The following MOBP variants were observed in gnomAD, a reference collection of about 807,000 sequenced individuals.
MOBP encodes the protein myelin associated oligodendrocyte basic protein, also known as myelin-associated oligodendrocyte basic protein.
A neutral mutation model predicts 15.0 loss-of-function variants in MOBP; 5 were observed. The observed-to-expected ratio is 0.33, with a 90% confidence interval of 0.17 to 0.70. The LOEUF (loss-of-function observed/expected upper bound fraction) is 0.70. Ranked by LOEUF, MOBP falls within the 30% of genes least tolerant of loss-of-function variation. The pLI, the probability that MOBP is intolerant of heterozygous loss-of-function variation, is 0.67. For synonymous variants in MOBP, 88 were observed against 99.0 expected (o/e 0.89, Z 0.66); for missense variants, 188 against 257.8 (o/e 0.73, Z 1.85).
At chr3:39,495,776 A>C (rs990619197) in intron 2 of MOBP, among the ~76,000 whole-genome samples, 1 of 150,230 alleles carries the variant, frequency 6.7e-6, no homozygotes, top group Non-Finnish European at 1.5e-5. Flanking sequence ...AAGAAAAGAA[A>C]GAGGAAAAAA....
downstream of MOBP, chr3:39,526,258 A>G (rs1480913196): frequency 6.6e-6 from 1 of 152,232 alleles, no homozygotes; most frequent in East Asian, 1.9e-4. Context: ...TATAGTGCAT[A>G]TTAATTCATG....
At chr3:39,522,327 A>G (rs986632054) in intron 3 of MOBP, among the ~76,000 whole-genome samples, 65 of 152,220 alleles carry the variant, frequency 4.3e-4, no homozygotes, top group Non-Finnish European at 8.8e-5. Context: ...ACTATTCACT[A>G]TTTGCATTTG....
chr3:39,496,316 A>G (rs535536532), intron 2 of MOBP, among the ~76,000 whole-genome samples: 154 of 148,708 alleles, frequency 1.0e-3, no homozygotes, highest in African/African-American at 3.6e-3. Flanking sequence ...CTCCTGCCTC[A>G]GCCTCCTGAG....
intron 2 of MOBP, among the ~76,000 whole-genome samples, chr3:39,496,371 T>C (rs2042882696): frequency 6.6e-6 from 1 of 151,722 alleles, no homozygotes. Flanking sequence ...GCTAATTTTT[T>C]TGTATTTTCA....
downstream of MOBP, among the ~76,000 whole-genome samples, chr3:39,506,473 A>G (rs1409007581): frequency 1.3e-5 from 2 of 152,106 alleles, no homozygotes; most frequent in East Asian, 3.9e-4. Context: ...AGCCAATTAA[A>G]AAAAAGCATT....
downstream of MOBP, among the ~76,000 whole-genome samples, chr3:39,516,989 C>T (rs1028606303): frequency 6.6e-6 from 1 of 152,070 alleles, no homozygotes; most frequent in Non-Finnish European, 1.5e-5. Flanking sequence ...CTGGAGGGGC[C>T]CTGGGAGGGC....
intron 2 of MOBP, among the ~76,000 whole-genome samples, chr3:39,496,205 T>C (rs1324248842): frequency 2.0e-5 from 3 of 151,656 alleles, no homozygotes; most frequent in African/African-American, 4.8e-5. Context: ...TTTTCTTTTT[T>C]TTTTTGTTTT....
At chr3:39,503,051 C>T (rs2042998870), downstream of MOBP, 3 of 540,222 alleles carry the variant, frequency 5.6e-6, no homozygotes, top group Non-Finnish European at 9.7e-6. Flanking sequence ...TTCTGGTTTC[C>T]TCCTAGGTGC....
At chr3:39,467,950 G>A (rs2042366785) in intron 1 of MOBP, among the ~76,000 whole-genome samples, 1 of 152,110 alleles carries the variant, frequency 6.6e-6, no homozygotes, top group South Asian at 2.1e-4. Context: ...CTCCTGGAAT[G>A]TTCCTGCTAA....
chr3:39,505,498 CT>C, downstream of MOBP, among the ~76,000 whole-genome samples: 1 of 152,298 alleles, frequency 6.6e-6, no homozygotes, highest in Non-Finnish European at 1.5e-5. Context: ...TGACTGAACT[CT>C]TGAATTTTGC....
intron 1 of MOBP, among the ~76,000 whole-genome samples, chr3:39,478,004 C>T (rs191223800): frequency 8.6e-5 from 13 of 152,038 alleles, no homozygotes; most frequent in Middle Eastern, 3.4e-3. Flanking sequence ...TAAAATGTTA[C>T]AGTAAGCTAA....
intron 2 of MOBP, among the ~76,000 whole-genome samples, chr3:39,495,834 A>T (rs1355883834): frequency 6.6e-6 from 1 of 151,974 alleles, no homozygotes; most frequent in African/African-American, 2.4e-5. Context: ...GGAAAAAAGA[A>T]CAAAGACAAG....
chr3:39,512,341 T>C (rs2043130511), intron 4 of MOBP, among the ~76,000 whole-genome samples: 1 of 152,166 alleles, frequency 6.6e-6, no homozygotes, highest in Admixed American at 6.6e-5. Context: ...CAGCAGTATC[T>C]ATGGGGAGTT....
In MOBP at chr3:39,502,011, C is replaced by A; in HGVS notation, c.-4-55C>A. On this transcript the variant is annotated intron_variant, in intron 2 of 3. Coordinates refer to ENST00000684792, the MANE Select transcript of MOBP (RefSeq NM_001393704.1). The surrounding 1 kb of genome is among the most constrained non-coding windows in gnomAD (Gnocchi z 6.3). The stretch of plus-strand genomic sequence containing the variant: ...GGGGGCTTCCAGAGTAGAGGGCTCC[C>A]TTTCCTGATGTGCGTTTATGTCTCC... 6.7e-7 allele frequency: 1 copy of A among 1,490,870 alleles called. No homozygotes were observed. The highest frequency in any genetic ancestry group is 1.1e-5 in the South Asian group (1 of 87,740). The allele number at this position is 1,490,870 out of a possible 1,614,324, so 92.4% of individuals were successfully genotyped here. A position where few individuals can be genotyped will look rare whatever the true frequency, so the allele number is the denominator to read the frequency against.
At chr3:39,523,593 A>G (rs2043295209) in intron 3 of MOBP, among the ~76,000 whole-genome samples, 1 of 152,198 alleles carries the variant, frequency 6.6e-6, no homozygotes, top group Non-Finnish European at 1.5e-5. Flanking sequence ...AAATCATCTG[A>G]TTTGTAAACA....
intron 2 of MOBP, among the ~76,000 whole-genome samples, chr3:39,480,579 G>C (rs1479783833): frequency 1.3e-5 from 2 of 152,164 alleles, no homozygotes; most frequent in East Asian, 3.8e-4. Flanking sequence ...AGGTTTGAGA[G>C]GGGGGTCAGT....
At chr3:39,476,204 A>AG (rs1189766167) in intron 1 of MOBP, among the ~76,000 whole-genome samples, 2 of 152,192 alleles carry the variant, frequency 1.3e-5, no homozygotes, top group African/African-American at 4.8e-5. Context: ...GACAGTACCA[A>AG]GGGGGATGAT....
downstream of MOBP, among the ~76,000 whole-genome samples, chr3:39,517,558 AAG>A (rs1203488762): frequency 6.6e-6 from 1 of 152,212 alleles, no homozygotes; most frequent in East Asian, 1.9e-4. Flanking sequence ...CTGGAACAAA[AAG>A]AGTCTGACTA....
downstream of MOBP, among the ~76,000 whole-genome samples, chr3:39,503,644 A>G (rs1575313090): frequency 9.4e-6 from 1 of 106,036 alleles, no homozygotes; most frequent in Non-Finnish European, 2.1e-5. Context: ...CAATACACAC[A>G]TGCCTGGCCA....
Sources: gnomAD v4.1 joint callset for allele counts (sites outside exome capture counted in the v4.1 genomes callset) on GRCh38, gnomAD v4.1.1 for gene constraint, Gnocchi (gnomAD v3.1) non-coding constraint, MANE v1.5 for transcripts, NCBI Gene and HGNC (gene_info 2026-07-23, HGNC 2026-07-21) for gene names.